RSRC1: variants seen among roughly 807,000 people sequenced by gnomAD.
RSRC1 encodes the protein serine/Arginine-related protein 53.
RSRC1 carries 39 observed loss-of-function variants against 49.1 expected under a neutral mutation model. The observed-to-expected ratio is 0.79, with a 90% CI of 0.61 to 1.04. The LOEUF is 1.04. Among genes scored for constraint, RSRC1 ranks in the 50% least tolerant of loss-of-function variants. RSRC1 has a pLI of 0.00. For synonymous variants in RSRC1, 143 were observed against 130.8 expected, an observed-to-expected ratio of 1.09 and a Z score of -0.63; for missense variants, 388 against 402.4, an observed-to-expected ratio of 0.96 and a Z score of 0.31.
intron 3 of RSRC1, among the ~76,000 whole-genome samples, chr3:158,153,908 G>A (rs921457335): frequency 1.3e-5 from 2 of 152,082 alleles, no homozygotes; most frequent in Non-Finnish European, 2.9e-5. Context: ...GAAATCCCAG[G>A]ATAATTATGA....
At chr3:158,383,340 G>T (rs973564148) in intron 6 of RSRC1, among the ~76,000 whole-genome samples, 3 of 151,944 alleles carry the variant, frequency 2.0e-5, no homozygotes, top group East Asian at 1.9e-4. Context: ...AGGGGTGACT[G>T]TCCTGTGCCA....
intron 6 of RSRC1, among the ~76,000 whole-genome samples, chr3:158,458,832 AAATT>A (rs1737476079): frequency 6.6e-6 from 1 of 152,206 alleles, no homozygotes; most frequent in African/African-American, 2.4e-5. Flanking sequence ...TTTGCAGAAT[AAATT>A]AAATCACATA....
Position 158,545,138 on chromosome 3 carries a change from T to G in RSRC1, c.*863T>G, listed in dbSNP as rs1713259958. ...TGCCAGAGATAGGACTTTTAGGCCT[T>G]GCTTTACAAAACTGGTTTTTAACAG... is the stretch of plus-strand genomic sequence containing the variant. On this transcript the variant is annotated 3_prime_UTR_variant, in exon 10 of 10. Transcript: ENST00000611884. 6.6e-6 allele frequency: 1 copy of G among 152,074 alleles called. No homozygotes were observed. The highest frequency in any genetic ancestry group is 1.5e-5 in the Non-Finnish European group (1 of 68,014). The allele number at this position is 152,074 out of a possible 1,614,324, so 9.4% of individuals were successfully genotyped here. A position where few individuals can be genotyped will look rare whatever the true frequency, so the allele number is the denominator to read the frequency against.
chr3:158,476,162 C>A (rs1290899679), intron 7 of RSRC1, among the ~76,000 whole-genome samples: 1 of 152,080 alleles, frequency 6.6e-6, no homozygotes, highest in Non-Finnish European at 1.5e-5. Context: ...CCCTTCAATT[C>A]TATGAAGCTG....
At chr3:158,537,983 A>G (rs1712811088) in intron 8 of RSRC1, among the ~76,000 whole-genome samples, 4 of 151,794 alleles carry the variant, frequency 2.6e-5, no homozygotes, top group African/African-American at 9.7e-5. Flanking sequence ...AGATGGAATT[A>G]CTTGTTAAAG....
chr3:158,507,933 C>G (rs559046550), intron 7 of RSRC1, among the ~76,000 whole-genome samples: 1 of 152,072 alleles, frequency 6.6e-6, no homozygotes, highest in African/African-American at 2.4e-5. Context: ...AGTAGCCCAG[C>G]ATGGGGGCAC....
intron 6 of RSRC1, among the ~76,000 whole-genome samples, chr3:158,446,770 C>G (rs1736744017): frequency 6.6e-6 from 1 of 152,006 alleles, no homozygotes; most frequent in South Asian, 2.1e-4. Context: ...ATTCATCCTT[C>G]ATGTGAAAGA....
chr3:158,310,096 T>C (rs918526874), intron 5 of RSRC1, among the ~76,000 whole-genome samples: 33 of 151,728 alleles, frequency 2.2e-4, no homozygotes, highest in African/African-American at 7.9e-4. Context: ...TATAGTCTAA[T>C]ATAGTAGGTA....
At chr3:158,185,626 A>C (rs1392559799) in intron 3 of RSRC1, among the ~76,000 whole-genome samples, 1 of 151,888 alleles carries the variant, frequency 6.6e-6, no homozygotes, top group Admixed American at 6.6e-5. Context: ...GTGTACTCAG[A>C]CTTATGAGTG....
intron 6 of RSRC1, among the ~76,000 whole-genome samples, chr3:158,359,931 G>A (rs1369975974): frequency 6.6e-6 from 1 of 152,138 alleles, no homozygotes; most frequent in African/African-American, 2.4e-5. Flanking sequence ...TCTTTCCACA[G>A]CCAGAGTATC....
intron 6 of RSRC1, among the ~76,000 whole-genome samples, chr3:158,421,184 A>C (rs939314639): frequency 3.3e-5 from 5 of 151,964 alleles, no homozygotes; most frequent in African/African-American, 9.7e-5. Flanking sequence ...AAAGAAGATC[A>C]GTATGGATTG....
chr3:158,114,677 G>A lies in RSRC1; in HGVS notation c.-3+4454G>A, dbSNP rs1458476604. On this transcript the variant is annotated intron_variant, in intron 1 of 9. Transcript: ENST00000611884. ...TGTTTGTGTCCTCTCTGATTTCCTT[G>A]AGCAGTGGTTTGTAGTTCTCCTTGA... Among the ~76,000 whole-genome samples, 4 of 152,130 alleles carry A rather than the reference G, an allele frequency of 2.6e-5. No individual in the cohort carries two copies. The East Asian group carries it at 7.7e-4, about 29-fold the overall frequency.
rs924784339 is a variant in RSRC1, at chr3:158,454,798, T to C, written c.584-6137T>C. 3.2e-4 allele frequency among the ~76,000 whole-genome samples: 48 copies of C among 152,246 alleles called. 2 individuals are homozygous for C. Among genetic ancestry groups the C allele is most frequent in the African/African-American group, 1.1e-3 (46 of 41,524 alleles). On this transcript the variant is annotated intron_variant, in intron 6 of 9. Coordinates refer to ENST00000611884, the MANE Select transcript of RSRC1 (RefSeq NM_001271838.2). ...GGTTGTTCATCTTTATATTTGACAA[T>C]CCCTGTAATCCTGTCATTTCAATTC...
At chr3:158,457,881 G>C (rs936750300) in intron 6 of RSRC1, among the ~76,000 whole-genome samples, 1 of 151,974 alleles carries the variant, frequency 6.6e-6, no homozygotes, top group South Asian at 2.1e-4. Context: ...CAGTAGCTTG[G>C]TTAAAAGAAG....
chr3:158,118,361 A>G (rs915925154), intron 1 of RSRC1, among the ~76,000 whole-genome samples: 1 of 151,360 alleles, frequency 6.6e-6, no homozygotes, highest in Non-Finnish European at 1.5e-5. Flanking sequence ...AGCTTCCTGA[A>G]TAGCTAGTAC....
chr3:158,386,918 T>G (rs1219335269), intron 6 of RSRC1, among the ~76,000 whole-genome samples: 2 of 151,722 alleles, frequency 1.3e-5, no homozygotes, highest in Non-Finnish European at 2.9e-5. Flanking sequence ...GGAAATAAAA[T>G]GAATATTTTG....
At chr3:158,213,635 C>T (rs879363413) in intron 4 of RSRC1, among the ~76,000 whole-genome samples, 1 of 151,888 alleles carries the variant, frequency 6.6e-6, no homozygotes, top group East Asian at 1.9e-4. Context: ...TTTGAAATTG[C>T]AGTCTTTGGC....
At chr3:158,135,248 T>A (rs533403842) in intron 3 of RSRC1, among the ~76,000 whole-genome samples, 1 of 150,776 alleles carries the variant, frequency 6.6e-6, no homozygotes, top group East Asian at 2.0e-4. Context: ...AGAAGAGAAG[T>A]AGTCATTTCC....
chr3:158,385,522 C>T (rs1732925107), intron 6 of RSRC1, among the ~76,000 whole-genome samples: 1 of 152,062 alleles, frequency 6.6e-6, no homozygotes, highest in South Asian at 2.1e-4. Flanking sequence ...TACCTGGTTT[C>T]ATTATAAATC....
Sources: allele counts gnomAD v4.1 joint callset (sites outside exome capture counted in the v4.1 genomes callset), GRCh38; gene constraint gnomAD v4.1.1; transcripts MANE v1.5; gene names NCBI Gene and HGNC (gene_info 2026-07-23, HGNC 2026-07-21).